ZNF737: variants seen among roughly 807,000 people sequenced by gnomAD.
ZNF737 encodes zinc finger protein 737.
A neutral mutation model predicts 11.7 loss-of-function variants in ZNF737; 13 were observed. That is an observed-to-expected ratio of 1.11 (90% CI 0.73 to 1.77). The LOEUF is 1.77. ZNF737 is among the 40% of genes most tolerant of loss of function. The pLI is 0.00. For missense variants in ZNF737, 636 were observed against 638.0 expected, an observed-to-expected ratio of 1.00 and a Z score of 0.03; for synonymous variants, 217 against 216.2, an observed-to-expected ratio of 1.00 and a Z score of -0.03.
intron 3 of ZNF737, among the ~76,000 whole-genome samples, chr19:20,546,830 C>T (rs113420627): frequency 5.9e-5 from 9 of 152,134 alleles, no homozygotes; most frequent in African/African-American, 2.2e-4. Context: ...CAATGAGCCA[C>T]AATTATGCCA....
chr19:20,541,081 T>C lies in ZNF737; in HGVS notation c.*3511A>G. Reference sequence around the variant, plus strand: ...TGCCTGTGCTTTAATAGGCAGACTCTGGGGAGAATCCGAATCACAGGCCAG... The same window carrying C: ...TGCCTGTGCTTTAATAGGCAGACTCCGGGGAGAATCCGAATCACAGGCCAG... On this transcript the variant is annotated 3_prime_UTR_variant, in exon 4 of 4. Coordinates refer to ENST00000427401, the MANE Select transcript of ZNF737 (RefSeq NM_001159293.2). 1.0e-6 allele frequency: 1 copy of C among 985,286 alleles called. No homozygotes were observed. 61.0% of individuals were successfully genotyped at this position (985,286 alleles called of 1,614,324 possible).
chr19:20,541,381 C>T lies in ZNF737; in HGVS notation c.*3211G>A. 2.0e-6 allele frequency: 2 copies of T among 983,810 alleles called. No homozygotes were observed. Among genetic ancestry groups the T allele is most frequent in the African/African-American group, 1.7e-5 (1 of 57,316 alleles). 60.9% of individuals were successfully genotyped at this position (983,810 alleles called of 1,614,324 possible). On this transcript the variant is annotated 3_prime_UTR_variant, in exon 4 of 4. Transcript: ENST00000427401. ...TCTATGTGTTTGCAGGCAGAGACCACATGTTCAAGGAAAACTATATTACAA... is the reference window on the plus strand; with the variant it reads ...TCTATGTGTTTGCAGGCAGAGACCATATGTTCAAGGAAAACTATATTACAA...
At chr19:20,557,837 A>T (rs1261454893) in intron 1 of ZNF737, among the ~76,000 whole-genome samples, 1 of 152,116 alleles carries the variant, frequency 6.6e-6, no homozygotes, top group Non-Finnish European at 1.5e-5. Flanking sequence ...GGCTGGTCCC[A>T]AACTCCTGAC....
chr19:20,540,055 C>CT lies in ZNF737; in HGVS notation c.*4536dup, dbSNP rs1252360423. The CT allele has an allele frequency of 1.6e-5, 16 of 985,078 alleles. No homozygotes were observed. Among genetic ancestry groups the CT allele is most frequent in the Admixed American group, 6.2e-5 (1 of 16,234 alleles). 61.0% of individuals were successfully genotyped at this position (985,078 alleles called of 1,614,324 possible). A position where few individuals can be genotyped will look rare whatever the true frequency, so the allele number is the denominator to read the frequency against. The stretch of plus-strand genomic sequence containing the variant: ...TTATTTCTTGAATGAATGAGATTCC[C>CT]TTTTTTTTCCCTCTGCCATAGAATC... On this transcript the variant is annotated 3_prime_UTR_variant, in exon 4 of 4. Transcript: ENST00000427401.
rs1321025928 is a variant in ZNF737, at chr19:20,538,682, A to G, written c.*5910T>C. ...CCTGAGTAATTCAGGGGGAATTGGTATCTCTGTAAAGAGACAGTAAGGAAA... is the reference window on the plus strand; with the variant it reads ...CCTGAGTAATTCAGGGGGAATTGGTGTCTCTGTAAAGAGACAGTAAGGAAA... On this transcript the variant is annotated 3_prime_UTR_variant, in exon 4 of 4. Coordinates refer to ENST00000427401, the MANE Select transcript of ZNF737 (RefSeq NM_001159293.2). 1.0e-6 allele frequency: 1 copy of G among 985,298 alleles called. No homozygotes were observed. Among genetic ancestry groups the G allele is most frequent in the Non-Finnish European group, 1.2e-6 (1 of 829,910 alleles). The allele number at this position is 985,298 out of a possible 1,614,324, so 61.0% of individuals were successfully genotyped here.
rs559418359 is a variant in ZNF737, at chr19:20,540,326, C to A, written c.*4266G>T. Among the ~76,000 whole-genome samples, 4 of 152,092 alleles carry A rather than the reference C, an allele frequency of 2.6e-5. No homozygotes were observed. The highest frequency in any genetic ancestry group is 4.8e-5 in the African/African-American group (2 of 41,406). ...AAACACAAAGTCTACGGATGAGTAA[C>A]CTAATTTCATAAGTGATTTCCCACC... On this transcript the variant is annotated 3_prime_UTR_variant, in exon 4 of 4. Transcript: ENST00000427401.
intron 3 of ZNF737, among the ~76,000 whole-genome samples, chr19:20,550,378 A>G (rs1968618433): frequency 1.3e-5 from 2 of 152,216 alleles, no homozygotes; most frequent in African/African-American, 4.8e-5. Context: ...TTTAGTAACT[A>G]TGGGTGCCTA....
chr19:20,535,491 G>A (rs1967935533), downstream of ZNF737, among the ~76,000 whole-genome samples: 1 of 150,270 alleles, frequency 6.7e-6, no homozygotes. Context: ...ATTATGTTAA[G>A]TAAAATAAGT....
At chr19:20,559,571 AT>A (rs1969007354) in intron 1 of ZNF737, among the ~76,000 whole-genome samples, 1 of 152,202 alleles carries the variant, frequency 6.6e-6, no homozygotes, top group Admixed American at 6.5e-5. Context: ...CAGAATGGCT[AT>A]TTTCAAAAAG....
At chr19:20,562,389 TA>T (rs1441759004) in intron 1 of ZNF737, among the ~76,000 whole-genome samples, 1 of 150,022 alleles carries the variant, frequency 6.7e-6, no homozygotes, top group Non-Finnish European at 1.5e-5. Context: ...TTGCCCAGGC[TA>T]GAGTGCACTG....
chr19:20,544,932 G>A lies in ZNF737; in HGVS notation c.1271C>T (p.Pro424Leu), dbSNP rs529811628. 5 of 1,612,550 alleles carry A rather than the reference G, an allele frequency of 3.1e-6. No homozygotes were observed. In the African/African-American group the frequency reaches 5.4e-5, roughly 17 times the overall value. Residue 424 changes from proline to leucine, a missense_variant, in exon 4 of 4, where the codon CCC (proline) becomes CTC (leucine). Coordinates refer to ENST00000427401, the MANE Select transcript of ZNF737 (RefSeq NM_001159293.2). ...CTTGCCACATTCTTCACACTTGAAG[G>A]GTTGCTGTCCAGTATGGATTATCTT... Reference protein sequence around the residue: ...THKIIHTGQQPFKCEECGKAF... With the variant: ...THKIIHTGQQLFKCEECGKAF...
downstream of ZNF737, among the ~76,000 whole-genome samples, chr19:20,532,628 AAATATCTTTAATAACCTGG>A (rs1967858019): frequency 6.7e-6 from 1 of 149,858 alleles, no homozygotes; most frequent in Non-Finnish European, 1.5e-5. Context: ...ATAAATGTAA[AAATATCTTTAATAACCTGG>A]AACCTGGGTG....
chr19:20,550,897 G>GTTTA (rs1365426883), intron 3 of ZNF737, among the ~76,000 whole-genome samples: 3 of 152,190 alleles, frequency 2.0e-5, no homozygotes, highest in African/African-American at 7.2e-5. Context: ...CCAGGATAGG[G>GTTTA]TTTACCCAAG....
At position 20,544,245 on chromosome 19, in the gene ZNF737, C is replaced by T. The variant is rs1320166135; in HGVS notation, c.*347G>A. 1 of 1,069,122 alleles carries T rather than the reference C, an allele frequency of 9.4e-7. No homozygotes were observed. The allele number at this position is 1,069,122 out of a possible 1,614,324, so 66.2% of individuals were successfully genotyped here. ...GTTCAGAACTTCCTAAAAGCGTTGT[C>T]ACATTCTTTATATTTGTAGGGTTTA... On this transcript the variant is annotated 3_prime_UTR_variant, in exon 4 of 4. Coordinates refer to ENST00000427401, the MANE Select transcript of ZNF737 (RefSeq NM_001159293.2).
rs1463773525 is a variant in ZNF737, at chr19:20,541,754, T to C, written c.*2838A>G. On this transcript the variant is annotated 3_prime_UTR_variant, in exon 4 of 4. Transcript: ENST00000427401. ...TTTTATTTACATTTTTGTATAATTA[T>C]TATGATCATAGAAATAATTCTGTAG... 1.3e-5 allele frequency among the ~76,000 whole-genome samples: 2 copies of C among 152,232 alleles called. No homozygotes were observed. Among genetic ancestry groups the C allele is most frequent in the Non-Finnish European group, 2.9e-5 (2 of 68,038 alleles).
At position 20,544,923 on chromosome 19, in the gene ZNF737, C is replaced by A; in HGVS notation, c.1280G>T (p.Cys427Phe). 6.2e-7 allele frequency: 1 copy of A among 1,612,840 alleles called. No individual in the cohort carries two copies. Among genetic ancestry groups the A allele is most frequent in the Non-Finnish European group, 8.5e-7 (1 of 1,179,514 alleles). ...IIHTGQQPFK[C>F]EECGKAFKCF... ...CTTAAAGGCCTTGCCACATTCTTCA[C>A]ACTTGAAGGGTTGCTGTCCAGTATG... Residue 427 changes from cysteine (C) to phenylalanine (F), a missense_variant, in exon 4 of 4, where the codon TGT becomes TTT. Transcript: ENST00000427401.
intron 1 of ZNF737, among the ~76,000 whole-genome samples, chr19:20,558,449 C>A (rs1968969455): frequency 6.6e-6 from 1 of 151,918 alleles, no homozygotes. Flanking sequence ...AATTATTTAT[C>A]CAGTTGCTAG....
rs1324165107 is a variant in ZNF737, at chr19:20,541,030, A to G, written c.*3562T>C. Reference sequence around the variant, plus strand: ...TAAGAGGGCTTTTATTATTGTACTCAAGAGAGTTGTTTCTGGAGACAAAGT... The same window carrying G: ...TAAGAGGGCTTTTATTATTGTACTCGAGAGAGTTGTTTCTGGAGACAAAGT... On this transcript the variant is annotated 3_prime_UTR_variant, in exon 4 of 4. Coordinates refer to ENST00000427401, the MANE Select transcript of ZNF737 (RefSeq NM_001159293.2). 40 of 985,186 alleles carry G rather than the reference A, an allele frequency of 4.1e-5. No individual in the cohort carries two copies. The highest frequency in any genetic ancestry group is 3.9e-5 in the Non-Finnish European group (32 of 829,900). The allele number at this position is 985,186 out of a possible 1,614,324, so 61.0% of individuals were successfully genotyped here.
chr19:20,549,086 A>C (rs1046475719), intron 3 of ZNF737, among the ~76,000 whole-genome samples: 5 of 151,972 alleles, frequency 3.3e-5, no homozygotes, highest in Admixed American at 6.6e-5. Context: ...GACTATCTCC[A>C]TAAGTACTCA....
Sources: allele counts gnomAD v4.1 joint callset (sites outside exome capture counted in the v4.1 genomes callset), GRCh38; gene constraint gnomAD v4.1.1; transcripts MANE v1.5; gene names NCBI Gene and HGNC (gene_info 2026-07-23, HGNC 2026-07-21).